The following CNIH3 variants were observed in gnomAD, a reference collection of about 807,000 sequenced individuals.
The protein encoded by CNIH3 is cornichon family AMPA receptor auxiliary protein 3, also known as protein cornichon homolog 3.
Under a neutral mutation model 24.1 loss-of-function variants are expected in CNIH3, and 14 were observed. The observed-to-expected ratio is 0.58, with a 90% confidence interval of 0.38 to 0.91. The LOEUF (loss-of-function observed/expected upper bound fraction) is 0.91. Among genes scored for constraint, CNIH3 ranks in the 40% least tolerant of loss-of-function variants. The pLI, the probability that CNIH3 is intolerant of heterozygous loss-of-function variation, is 0.00. For missense variants in CNIH3, 178 were observed against 196.8 expected (o/e 0.90, Z 0.57); for synonymous variants, 68 against 73.8 (o/e 0.92, Z 0.40).
intron 1 of CNIH3, among the ~76,000 whole-genome samples, chr1:224,665,708 G>A (rs1006876745): frequency 3.3e-5 from 5 of 152,190 alleles, no homozygotes; most frequent in Admixed American, 2.6e-4. Flanking sequence ...TAGATTTAGG[G>A]TTTATGGACC....
intron 3 of CNIH3, among the ~76,000 whole-genome samples, chr1:224,696,918 G>T (rs1687206494): frequency 6.6e-6 from 1 of 152,146 alleles, no homozygotes; most frequent in African/African-American, 2.4e-5. Flanking sequence ...TATGATAGTT[G>T]CCTGGACATG....
intron 2 of CNIH3, 134 bp downstream of exon 2, chr1:224,681,160 T>C: frequency 1.3e-6 from 1 of 756,908 alleles, no homozygotes; most frequent in South Asian, 1.6e-5. Flanking sequence ...TCTACCTGGC[T>C]CAAGGTTGTG....
intron 1 of CNIH3, among the ~76,000 whole-genome samples, chr1:224,518,836 C>T (rs190749100): frequency 2.8e-4 from 43 of 152,262 alleles, no homozygotes; most frequent in Admixed American, 7.2e-4. Context: ...CTTTGGATTT[C>T]GAGTTTAGTC....
chr1:224,621,676 A>G (rs1260152026), intron 1 of CNIH3, among the ~76,000 whole-genome samples: 1 of 152,178 alleles, frequency 6.6e-6, no homozygotes, highest in East Asian at 1.9e-4. Flanking sequence ...GACGTTTTCT[A>G]CTTTACCATT....
At chr1:224,613,602 T>C (rs7538145), upstream of CNIH3, among the ~76,000 whole-genome samples, 75,863 of 152,024 alleles carry the variant, frequency 0.5, 20,169 homozygotes, top group East Asian at 0.73. Context: ...GTCTGGGTCA[T>C]GGGGGTGGAT....
In CNIH3 at chr1:224,458,825, C is replaced by G. The variant is rs185976155; in HGVS notation, n.203+23963C>G. ...TTCAGGGAAAGTGTCAGTGGGGTCTCCCAGTGCCTGTTTGGTCCACAGTTA... is the reference window on the plus strand; with the variant it reads ...TTCAGGGAAAGTGTCAGTGGGGTCTGCCAGTGCCTGTTTGGTCCACAGTTA... On this transcript the variant is annotated intron_variant and non_coding_transcript_variant, in intron 1 of 5. Transcript: ENST00000471578. The surrounding 1 kb of genome is among the most constrained non-coding windows in gnomAD (Gnocchi z 4.3). Among the ~76,000 whole-genome samples the G allele has an allele frequency of 6.6e-6, 1 of 152,302 alleles. No homozygotes were observed. The highest frequency in any genetic ancestry group is 2.4e-5 in the African/African-American group (1 of 41,560).
intron 3 of CNIH3, chr1:224,717,641 C>T (rs1463318282): frequency 6.6e-6 from 1 of 152,192 alleles, no homozygotes. Context: ...CTCTCCCGAT[C>T]TATTGTAAGG....
intron 1 of CNIH3, among the ~76,000 whole-genome samples, chr1:224,639,830 G>C (rs1603917): frequency 0.59 from 89,232 of 152,134 alleles, 28,630 homozygotes; most frequent in African/African-American, 0.85. Context: ...AGATTATAGA[G>C]AAAGCCTGGC....
At chr1:224,505,497 G>A (rs1425660004) in intron 1 of CNIH3, among the ~76,000 whole-genome samples, 1 of 152,018 alleles carries the variant, frequency 6.6e-6, no homozygotes, top group African/African-American at 2.4e-5. Context: ...TAATATTTTA[G>A]TAAACACTTA....
chr1:224,633,595 T>G (rs1683937142), intron 1 of CNIH3, among the ~76,000 whole-genome samples: 1 of 152,360 alleles, frequency 6.6e-6, no homozygotes, highest in South Asian at 2.1e-4. Context: ...GATTTCGATC[T>G]CTGTCCTTGA....
chr1:224,593,482 G>C (rs531360426), downstream of CNIH3, among the ~76,000 whole-genome samples: 73 of 152,338 alleles, frequency 4.8e-4, no homozygotes, highest in South Asian at 0.015. Context: ...CAGCTTGAAA[G>C]TGGGAAGCTC....
intron 2 of CNIH3, among the ~76,000 whole-genome samples, chr1:224,545,434 A>T (rs1679667121): frequency 6.6e-6 from 1 of 152,228 alleles, no homozygotes; most frequent in African/African-American, 2.4e-5. Flanking sequence ...CTTTAAAAAT[A>T]CGTATTTCAC....
chr1:224,449,566 G>A (rs988407712), intron 1 of CNIH3, among the ~76,000 whole-genome samples: 2 of 151,984 alleles, frequency 1.3e-5, no homozygotes, highest in African/African-American at 4.8e-5. Context: ...GGCAATCATA[G>A]CTCACTGCTG....
At chr1:224,616,198 C>G (rs562831263), upstream of CNIH3, 7 of 155,298 alleles carry the variant, frequency 4.5e-5, no homozygotes, top group South Asian at 1.2e-3. Context: ...CGCCACCCAC[C>G]TTTCCTCAGC....
chr1:224,558,111 C>T (rs988255410), intron 3 of CNIH3, among the ~76,000 whole-genome samples: 1 of 152,114 alleles, frequency 6.6e-6, no homozygotes, highest in Non-Finnish European at 1.5e-5. Flanking sequence ...GCCAGTCTTG[C>T]CTGGAGTCAC....
Position 224,604,007 on chromosome 1 carries a change from A to C in CNIH3, n.402+37743A>C, listed in dbSNP as rs1682314133. On this transcript the variant is annotated intron_variant and non_coding_transcript_variant, in intron 3 of 7. Coordinates refer to the CNIH3 transcript ENST00000478120. This position sits in a 1 kb window ranked among gnomAD's most constrained non-coding sequence, Gnocchi z 4.4. ...TACACAAGAATTACAATGCACAGACAATACAAATAAAGTAACAACTATGTA... is the reference window on the plus strand; with the variant it reads ...TACACAAGAATTACAATGCACAGACCATACAAATAAAGTAACAACTATGTA... Among the ~76,000 whole-genome samples the C allele has an allele frequency of 6.6e-6, 1 of 152,232 alleles. No homozygotes were observed. The highest frequency in any genetic ancestry group is 1.5e-5 in the Non-Finnish European group (1 of 68,038).
chr1:224,696,907 A>T (rs1199207869), intron 3 of CNIH3, among the ~76,000 whole-genome samples: 1 of 152,156 alleles, frequency 6.6e-6, no homozygotes, highest in African/African-American at 2.4e-5. Context: ...CTAGCACCTT[A>T]TATGATAGTT....
intron 4 of CNIH3, among the ~76,000 whole-genome samples, chr1:224,572,334 G>A (rs1265872365): frequency 6.6e-6 from 1 of 152,038 alleles, no homozygotes; most frequent in Non-Finnish European, 1.5e-5. Flanking sequence ...TAGTCAACAT[G>A]GTGAAACCCT....
intron 3 of CNIH3, among the ~76,000 whole-genome samples, chr1:224,556,182 T>C (rs1680132503): frequency 6.6e-6 from 1 of 152,072 alleles, no homozygotes; most frequent in Non-Finnish European, 1.5e-5. Context: ...TCCTATCTTT[T>C]TTTTTTTTTT....
Sources: allele counts gnomAD v4.1 joint callset (sites outside exome capture counted in the v4.1 genomes callset), GRCh38; gene constraint gnomAD v4.1.1; non-coding constraint Gnocchi (gnomAD v3.1); transcripts MANE v1.5; gene names NCBI Gene and HGNC (gene_info 2026-07-23, HGNC 2026-07-21).